CHD6: variants seen among roughly 807,000 people sequenced by gnomAD.
CHD6 encodes chromodomain helicase DNA binding protein 6, also known as ATP-dependent chromatin remodeler CHD6.
In CHD6, 50 loss-of-function variants were observed where a neutral mutation model predicts 276.9. That is an observed-to-expected ratio of 0.18 (90% CI 0.14 to 0.23). CHD6 has a LOEUF of 0.23. Among genes scored for constraint, CHD6 ranks in the 10% least tolerant of loss-of-function variants. CHD6 has a pLI of 1.00. For synonymous variants in CHD6, 1,173 were observed against 1,229.3 expected (o/e 0.95, Z 0.96); for missense variants, 2,564 against 3,365.8 (o/e 0.76, Z 5.89).
intron 1 of CHD6, among the ~76,000 whole-genome samples, chr20:41,567,970 A>G (rs768328616): frequency 2.6e-5 from 4 of 152,214 alleles, no homozygotes; most frequent in Non-Finnish European, 4.4e-5. Flanking sequence ...CATACTCTAC[A>G]TGGCTAAAAA....
At position 41,592,106 on chromosome 20, in the gene CHD6, C is replaced by CA. The variant is rs201671824; in HGVS notation, c.-24+26233dup. Among the ~76,000 whole-genome samples, 851 of 150,628 alleles carry CA rather than the reference C, an allele frequency of 5.6e-3. 8 individuals are homozygous for CA. Among genetic ancestry groups the CA allele is most frequent in the Middle Eastern group, 0.024 (7 of 294 alleles). ...AGAGTGAGACTCTGTATCAAACAAA[C>CA]AAAAAAAAAGAATTTCAAATCAGAC... is the stretch of plus-strand genomic sequence containing the variant. On this transcript the variant is annotated intron_variant, in intron 1 of 36. Transcript: ENST00000373233.
intron 5 of CHD6, among the ~76,000 whole-genome samples, chr20:41,503,898 T>G (rs1382175984): frequency 6.6e-6 from 1 of 151,592 alleles, no homozygotes; most frequent in Non-Finnish European, 1.5e-5. Context: ...GCCAACACGG[T>G]GAAGCCCCAT....
intron 2 of CHD6, among the ~76,000 whole-genome samples, chr20:41,540,747 GAGAAGATGGTGTTCTGTGTT>G (rs1239401580): frequency 6.6e-6 from 1 of 152,140 alleles, no homozygotes; most frequent in East Asian, 1.9e-4. Flanking sequence ...CTCCAGCAGG[GAGAAGATGGTGTTCTGTGTT>G]AGAAATTAGC....
intron 10 of CHD6, 22 bp downstream of exon 10, chr20:41,493,516 G>C (rs1035452456): frequency 6.2e-7 from 1 of 1,611,358 alleles, no homozygotes; most frequent in Non-Finnish European, 8.5e-7. Context: ...AGAAGTGCCA[G>C]AGAGAGACAA....
At chr20:41,617,572 G>T (rs2146319544) in intron 1 of CHD6, among the ~76,000 whole-genome samples, 1 of 152,288 alleles carries the variant, frequency 6.6e-6, no homozygotes, top group East Asian at 1.9e-4. Context: ...AACGGACTCC[G>T]TTACTTCTCA....
chr20:41,519,515 T>C (rs536782178), intron 3 of CHD6, among the ~76,000 whole-genome samples: 4 of 152,272 alleles, frequency 2.6e-5, no homozygotes, highest in African/African-American at 9.6e-5. Flanking sequence ...TTAGGATATA[T>C]ACAATGTAAT....
intron 1 of CHD6, among the ~76,000 whole-genome samples, chr20:41,589,427 C>T (rs571032602): frequency 4.5e-4 from 69 of 152,202 alleles, no homozygotes; most frequent in South Asian, 1.9e-3. Flanking sequence ...GAAGTCAAAC[C>T]GTCCCTGTTT....
rs979928723 is a variant in CHD6, at chr20:41,412,340, G to A, written c.7132-77C>T. The A allele has an allele frequency of 1.2e-4, 180 of 1,532,932 alleles. 1 individual carries two copies. The Middle Eastern group carries it at 1.9e-3, about 16-fold the overall frequency. 95.0% of individuals were successfully genotyped at this position (1,532,932 alleles called of 1,614,324 possible). ...CTGATGAGGCTGATGCTTTTCAACTGGTTTTGCTATTGTTCTCGTCAATGG... is the reference window on the plus strand; with the variant it reads ...CTGATGAGGCTGATGCTTTTCAACTAGTTTTGCTATTGTTCTCGTCAATGG... On this transcript the variant is annotated intron_variant, in intron 35 of 36. Transcript: ENST00000373233.
chr20:41,446,621 A>G (rs2048077072), intron 24 of CHD6, among the ~76,000 whole-genome samples: 1 of 152,116 alleles, frequency 6.6e-6, no homozygotes. Context: ...GTGACACAGG[A>G]CCGAATGCTC....
intron 3 of CHD6, among the ~76,000 whole-genome samples, chr20:41,529,220 T>C (rs1270283036): frequency 6.6e-6 from 1 of 152,238 alleles, no homozygotes; most frequent in Admixed American, 6.5e-5. Flanking sequence ...AGTTATAAGA[T>C]ACCTTATACA....
chr20:41,581,362 G>C (rs1354734191), intron 1 of CHD6, among the ~76,000 whole-genome samples: 1 of 152,072 alleles, frequency 6.6e-6, no homozygotes, highest in Non-Finnish European at 1.5e-5. Context: ...GCACATGATA[G>C]GCCTGCCATA....
rs1246260268 is a variant in CHD6 at position 41,512,889 on chromosome 20, C to T, written c.809G>A (p.Arg270Gln). 4 of 1,613,896 alleles carry T rather than the reference C, an allele frequency of 2.5e-6. No individual in the cohort carries two copies. The highest frequency in any genetic ancestry group is 2.2e-5 in the East Asian group (1 of 44,866). ...TGTAGAGGCTGAGAGTGCAGATGTT[C>T]GACCAGCTCCAAGAACAGCAATTGT... ...GETIAVLGAG[R>Q]TSALSASTLA... is the part of the protein sequence containing the mutation. The change falls in exon 5 of 37, where the codon CGA (arginine) becomes CAA (glutamine). Residue 270 changes from arginine (R) to glutamine (Q), a missense_variant. By Grantham distance (43) the Arg-to-Gln change is conservative (BLOSUM62 1). Transcript: ENST00000373233.
At chr20:41,591,323 C>T (rs1045539096) in intron 1 of CHD6, among the ~76,000 whole-genome samples, 1 of 151,448 alleles carries the variant, frequency 6.6e-6, no homozygotes, top group African/African-American at 2.4e-5. Context: ...AACAAACCTG[C>T]ACAATGTGCA....
At chr20:41,536,481 T>C (rs1031359788) in intron 2 of CHD6, among the ~76,000 whole-genome samples, 4 of 152,218 alleles carry the variant, frequency 2.6e-5, no homozygotes, top group African/African-American at 9.6e-5. Flanking sequence ...ATTATGGCCC[T>C]GGGCAGTGGT....
In CHD6 at chr20:41,484,439, T is replaced by C. The variant is rs1568631374; in HGVS notation, c.2170A>G (p.Lys724Glu). 1.2e-6 allele frequency: 2 copies of C among 1,613,778 alleles called. No homozygotes were observed. The highest frequency in any genetic ancestry group is 1.7e-6 in the Non-Finnish European group (2 of 1,179,860). Reference protein sequence around the residue: ...ILEKNFSFLTKGANQHNMPNL... With the variant: ...ILEKNFSFLTEGANQHNMPNL... Reference sequence around the variant, plus strand: ...GGCATGTTGTGCTGATTTGCCCCCTTGGTCAGGAAGGAAAAGTTCTTCTCG... The same window carrying C: ...GGCATGTTGTGCTGATTTGCCCCCTCGGTCAGGAAGGAAAAGTTCTTCTCG... The change falls in exon 15 of 37, where the codon AAG (lysine) becomes GAG (glutamate). Residue 724 changes from lysine to glutamate, a missense_variant. By Grantham distance (56) the Lys-to-Glu change is moderately conservative. This residue lies in a region of CHD6 where 457 missense variants were observed against 889.0 expected (regional missense o/e 0.51). Transcript: ENST00000373233.
chr20:41,577,160 G>A (rs1336689578), intron 1 of CHD6, among the ~76,000 whole-genome samples: 1 of 152,176 alleles, frequency 6.6e-6, no homozygotes, highest in African/African-American at 2.4e-5. Flanking sequence ...AACTTAGAAC[G>A]AGAGAGTCTC....
chr20:41,493,691 A>G lies in CHD6; in HGVS notation c.1180-19T>C. The G allele has an allele frequency of 6.2e-7, 1 of 1,612,868 alleles. No homozygotes were observed. Among genetic ancestry groups the G allele is most frequent in the Non-Finnish European group, 8.5e-7 (1 of 1,179,452 alleles). On this transcript the variant is annotated intron_variant, in intron 9 of 36. Transcript: ENST00000373233. ...TTACCTCCTGGTGGGAAAACAGGAAAGAAACTTAATGTTCTATTAGGTTAA... is the reference window on the plus strand; with the variant it reads ...TTACCTCCTGGTGGGAAAACAGGAAGGAAACTTAATGTTCTATTAGGTTAA...
intron 25 of CHD6, among the ~76,000 whole-genome samples, 182 bp from the exon 26 acceptor site, chr20:41,440,311 C>T (rs2047860607): frequency 6.6e-6 from 1 of 152,200 alleles, no homozygotes; most frequent in African/African-American, 2.4e-5. Flanking sequence ...AAAGCGGACA[C>T]CTTTGAGTAG....
intron 2 of CHD6, among the ~76,000 whole-genome samples, chr20:41,539,258 C>G (rs1452059984): frequency 6.6e-6 from 1 of 152,246 alleles, no homozygotes; most frequent in Non-Finnish European, 1.5e-5. Context: ...CTAGGATCTG[C>G]AAGTAATAAA....
Sources: gnomAD v4.1 joint callset for allele counts (sites outside exome capture counted in the v4.1 genomes callset) on GRCh38, gnomAD v4.1.1 for gene constraint, gnomAD v4.1.1 regional missense constraint, MANE v1.5 for transcripts, NCBI Gene and HGNC (gene_info 2026-07-23, HGNC 2026-07-21) for gene names.